KAT6B: variants seen among roughly 807,000 people sequenced by gnomAD.
KAT6B encodes the protein lysine acetyltransferase 6B, also known as histone acetyltransferase KAT6B.
A neutral mutation model predicts 187.5 loss-of-function variants in KAT6B; 10 were observed. The observed-to-expected ratio is 0.05, with a 90% CI of 0.03 to 0.09. The LOEUF (loss-of-function observed/expected upper bound fraction) is 0.09. Ranked by LOEUF, KAT6B falls within the 10% of genes least tolerant of loss-of-function variation. The probability of loss-of-function intolerance (pLI) is 1.00; values close to 1 mark genes in which losing one functional copy is unlikely to be tolerated. For missense variants in KAT6B, 1,952 were observed against 2,558.9 expected (o/e 0.76, Z 5.12); for synonymous variants, 861 against 926.8 (o/e 0.93, Z 1.29).
chr10:74,976,390 GA>G, intron 8 of KAT6B, 60 bp downstream of exon 8: 2 of 1,407,032 alleles, frequency 1.4e-6, no homozygotes, highest in African/African-American at 1.4e-5. Flanking sequence ...CCCCAACCCT[GA>G]AAAAAATCAA....
chr10:74,976,660 C>G (rs1554835976), intron 8 of KAT6B: 3 of 398,604 alleles, frequency 7.5e-6, no homozygotes, highest in East Asian at 5.9e-5. Context: ...CTGCCATGCT[C>G]TCCCCCATGT....
At position 75,031,103 on chromosome 10, in the gene KAT6B, A is replaced by G. The variant is rs2134258682; in HGVS notation, c.*57A>G. On this transcript the variant is annotated 3_prime_UTR_variant, in exon 18 of 18. Coordinates refer to ENST00000287239, the MANE Select transcript of KAT6B (RefSeq NM_012330.4). Reference sequence around the variant, plus strand: ...CATCACTATTGGATTGATCTGCACAAATACCTTTGAAGAGTACGATTTCAA... The same window carrying G: ...CATCACTATTGGATTGATCTGCACAGATACCTTTGAAGAGTACGATTTCAA... 5 of 1,593,218 alleles carry G rather than the reference A, an allele frequency of 3.1e-6. No individual in the cohort carries two copies. Among genetic ancestry groups the G allele is most frequent in the Non-Finnish European group, 3.4e-6 (4 of 1,166,456 alleles).
intron 11 of KAT6B, chr10:74,983,736 G>A (rs1842659472): frequency 1.3e-5 from 2 of 152,218 alleles, no homozygotes; most frequent in African/African-American, 4.8e-5. Context: ...GGACCATCCA[G>A]AGATGAGAGG....
At chr10:74,864,514 G>A (rs1227431023) in intron 3 of KAT6B, among the ~76,000 whole-genome samples, 1 of 151,964 alleles carries the variant, frequency 6.6e-6, no homozygotes, top group Non-Finnish European at 1.5e-5. Context: ...CTGTAAAGAC[G>A]CAACCATCCA....
intron 8 of KAT6B, 31 bp from the exon 9 acceptor site, chr10:74,977,274 TTCAAGTCAGTG>T (rs1842220458): frequency 6.2e-7 from 1 of 1,606,674 alleles, no homozygotes; most frequent in Non-Finnish European, 8.5e-7. Context: ...TTACTCATGA[TTCAAGTCAGTG>T]AATACACTTT....
chr10:74,835,235 C>T lies in KAT6B; in HGVS notation c.-328-3448C>T, dbSNP rs374658559. Reference sequence around the variant, plus strand: ...AAGGATTTGAATTTGGGCAGAGGGACGGTGGGGCACTTATCCAGGCTCAGC... The same window carrying T: ...AAGGATTTGAATTTGGGCAGAGGGATGGTGGGGCACTTATCCAGGCTCAGC... On this transcript the variant is annotated intron_variant, in intron 1 of 17. Transcript: ENST00000287239. Among the ~76,000 whole-genome samples the T allele has an allele frequency of 7.9e-5, 12 of 152,246 alleles. No individual in the cohort carries two copies. The East Asian group carries it at 1.9e-3, about 24-fold the overall frequency.
At chr10:74,919,195 C>T (rs1349740170) in intron 3 of KAT6B, among the ~76,000 whole-genome samples, 1 of 152,058 alleles carries the variant, frequency 6.6e-6, no homozygotes, top group Non-Finnish European at 1.5e-5. Context: ...TTCACTCCAG[C>T]CTGGGCAAAA....
intron 3 of KAT6B, among the ~76,000 whole-genome samples, chr10:74,916,830 G>C (rs564773694): frequency 6.6e-6 from 1 of 152,126 alleles, no homozygotes; most frequent in African/African-American, 2.4e-5. Flanking sequence ...GGCCTGGCAC[G>C]GTGGCTCATG....
chr10:74,936,462 A>G (rs538424622), intron 3 of KAT6B, among the ~76,000 whole-genome samples: 14 of 152,108 alleles, frequency 9.2e-5, no homozygotes, highest in African/African-American at 3.1e-4. Flanking sequence ...GCCAACAGGT[A>G]TTTTTAAAAA....
chr10:74,859,728 C>T (rs564011636), intron 3 of KAT6B, among the ~76,000 whole-genome samples: 15 of 152,320 alleles, frequency 9.8e-5, no homozygotes, highest in Non-Finnish European at 1.5e-4. Flanking sequence ...AGCTCTGACC[C>T]TCTATAAACC....
chr10:74,961,067 G>T (rs1841063226), intron 4 of KAT6B, among the ~76,000 whole-genome samples: 1 of 152,126 alleles, frequency 6.6e-6, no homozygotes, highest in South Asian at 2.1e-4. Flanking sequence ...GAGAGCCTTG[G>T]AAATAAGACA....
chr10:74,939,401 T>C (rs1849500827), intron 3 of KAT6B, among the ~76,000 whole-genome samples: 1 of 152,054 alleles, frequency 6.6e-6, no homozygotes, highest in Admixed American at 6.6e-5. Context: ...GTTTTTTTGT[T>C]GTTGTTGTTT....
At chr10:74,940,485 C>G (rs567778078) in intron 3 of KAT6B, among the ~76,000 whole-genome samples, 1 of 151,044 alleles carries the variant, frequency 6.6e-6, no homozygotes, top group Non-Finnish European at 1.5e-5. Flanking sequence ...CATGTTGGTC[C>G]GCCTGGTCTT....
chr10:74,842,958 A>G lies in KAT6B; in HGVS notation c.101A>G (p.His34Arg), dbSNP rs1232643381. ...AGGCCCTCTGAAGAGAGAATCTGCC[A>G]TGCGGTCAGTACTTCCCATGGGTTG... ...KQRPSEERIC[H>R]AVSTSHGLDK... Residue 34 changes from histidine to arginine, a missense_variant, in exon 3 of 18, where the codon CAT (histidine) becomes CGT (arginine). This residue lies in a region of KAT6B where 218 missense variants were observed against 282.6 expected (regional missense o/e 0.77). Coordinates refer to ENST00000287239, the MANE Select transcript of KAT6B (RefSeq NM_012330.4). The G allele has an allele frequency of 1.2e-6, 2 of 1,614,116 alleles. No individual in the cohort carries two copies. The highest frequency in any genetic ancestry group is 1.7e-6 in the Non-Finnish European group (2 of 1,180,044).
intron 2 of KAT6B, among the ~76,000 whole-genome samples, chr10:74,839,915 A>G (rs1448793294): frequency 6.6e-6 from 1 of 152,252 alleles, no homozygotes. Flanking sequence ...ATAATGAAAC[A>G]AAAGTGAGTA....
intron 3 of KAT6B, among the ~76,000 whole-genome samples, chr10:74,912,381 A>ATAGATAGG (rs896163660): frequency 5.3e-5 from 8 of 150,870 alleles, no homozygotes; most frequent in African/African-American, 2.0e-4. Flanking sequence ...GGATGGATAG[A>ATAGATAGG]TAGATAGATA....
intron 3 of KAT6B, among the ~76,000 whole-genome samples, chr10:74,865,057 T>C (rs935144224): frequency 2.0e-5 from 3 of 152,360 alleles, no homozygotes; most frequent in South Asian, 4.1e-4. Context: ...ACAAACTCCC[T>C]GAGTCTCACT....
chr10:74,902,251 G>T (rs1846455752), intron 3 of KAT6B, among the ~76,000 whole-genome samples: 1 of 152,150 alleles, frequency 6.6e-6, no homozygotes, highest in African/African-American at 2.4e-5. Flanking sequence ...AAGTCTTGCT[G>T]TCAACAAGTT....
Position 74,919,234 on chromosome 10 carries a change from A to ATC in KAT6B, c.622-40735_622-40734insCT, listed in dbSNP as rs1564563950. 5.9e-5 allele frequency among the ~76,000 whole-genome samples: 9 copies of ATC among 151,930 alleles called. No homozygotes were observed. The East Asian group carries it at 1.5e-3, about 26-fold the overall frequency. ...CAAAACTCCATATCTATCTATCTAT[A>ATC]TATATATATTTTTTTCCTCTGGTTC... On this transcript the variant is annotated intron_variant, in intron 3 of 17. Transcript: ENST00000287239.
Sources: allele counts gnomAD v4.1 joint callset (sites outside exome capture counted in the v4.1 genomes callset), GRCh38; gene constraint gnomAD v4.1.1; regional missense constraint gnomAD v4.1.1; transcripts MANE v1.5; gene names NCBI Gene and HGNC (gene_info 2026-07-23, HGNC 2026-07-21).